NKAIN3: variants seen among roughly 807,000 people sequenced by gnomAD.
NKAIN3 encodes sodium/potassium-transporting ATPase subunit beta-1-interacting protein 3.
Under a neutral mutation model 30.2 loss-of-function variants are expected in NKAIN3, and 25 were observed. That is an observed-to-expected ratio of 0.83 (90% CI 0.60 to 1.16). NKAIN3 has a LOEUF of 1.16. NKAIN3 is among the 50% of genes most tolerant of loss of function. The probability of loss-of-function intolerance (pLI) is 0.00; values close to 1 mark genes in which losing one functional copy is unlikely to be tolerated. For synonymous variants in NKAIN3, 91 were observed against 89.6 expected, an observed-to-expected ratio of 1.02 and a Z score of -0.09; for missense variants, 225 against 254.1, an observed-to-expected ratio of 0.89 and a Z score of 0.78.
intron 3 of NKAIN3, among the ~76,000 whole-genome samples, chr8:62,607,213 T>C (rs534505392): frequency 1.3e-5 from 2 of 152,308 alleles, no homozygotes; most frequent in South Asian, 4.1e-4. Flanking sequence ...GACATATTCT[T>C]GATTTAAAAT....
At chr8:62,719,931 G>C (rs914103572) in intron 3 of NKAIN3, among the ~76,000 whole-genome samples, 3 of 151,388 alleles carry the variant, frequency 2.0e-5, no homozygotes, top group African/African-American at 7.3e-5. Context: ...TAATTTTTTT[G>C]TATTTTCAGT....
At chr8:62,263,630 A>G (rs1812516061) in intron 1 of NKAIN3, among the ~76,000 whole-genome samples, 1 of 152,188 alleles carries the variant, frequency 6.6e-6, no homozygotes. Context: ...AACTTAATCC[A>G]AGTTGGTATA....
Position 62,976,359 on chromosome 8 carries a change from T to C in NKAIN3, c.*10952T>C, listed in dbSNP as rs963857114. On this transcript the variant is annotated 3_prime_UTR_variant, in exon 7 of 7. Transcript: ENST00000623646. ...TCTCTAAGAACTTGCTTTATGAATC[T>C]GGGTGCTCCACTATTAGGTGCATAC... Among the ~76,000 whole-genome samples the C allele has an allele frequency of 2.0e-5, 3 of 152,206 alleles. No homozygotes were observed. The highest frequency in any genetic ancestry group is 4.4e-5 in the Non-Finnish European group (3 of 68,032).
intron 3 of NKAIN3, among the ~76,000 whole-genome samples, chr8:62,604,402 C>T (rs1163397076): frequency 6.6e-6 from 1 of 152,068 alleles, no homozygotes; most frequent in Non-Finnish European, 1.5e-5. Context: ...TAGTAATTGT[C>T]GGTGTGCTTG....
chr8:62,249,137 C>T lies in NKAIN3; in HGVS notation c.54+10C>T, dbSNP rs1428980066. 3 of 1,532,158 alleles carry T rather than the reference C, an allele frequency of 2.0e-6. No homozygotes were observed. In the South Asian group the frequency reaches 3.6e-5, roughly 18 times the overall value. The allele number at this position is 1,532,158 out of a possible 1,614,324, so 94.9% of individuals were successfully genotyped here. A position where few individuals can be genotyped will look rare whatever the true frequency, so the allele number is the denominator to read the frequency against. ...CTGCGCGCTGCAGTTGGTGAGTGCC[C>T]CGAGGGCCCCTGCCCCAGGACAGGT... is the stretch of plus-strand genomic sequence containing the variant. On this transcript the variant is annotated intron_variant, in intron 1 of 6. Transcript: ENST00000623646.
chr8:62,865,188 T>G (rs1488649075), intron 4 of NKAIN3, among the ~76,000 whole-genome samples: 4 of 152,184 alleles, frequency 2.6e-5, no homozygotes, highest in Non-Finnish European at 5.9e-5. Flanking sequence ...TGGAGAAGTA[T>G]GGCTGGCCCC....
At position 62,984,082 on chromosome 8, in the gene NKAIN3, A is replaced by G. The variant is rs1453776177; in HGVS notation, c.*18675A>G. On this transcript the variant is annotated 3_prime_UTR_variant, in exon 7 of 7. Transcript: ENST00000623646. ...TTTGGGTTTTTCATTATTGTTTCTA[A>G]AAACTAGATATTATTGCTTTATTAT... is the stretch of plus-strand genomic sequence containing the variant. The G allele has an allele frequency of 6.6e-6, 1 of 152,184 alleles. No individual in the cohort carries two copies. Among genetic ancestry groups the G allele is most frequent in the Non-Finnish European group, 1.5e-5 (1 of 68,036 alleles). 9.4% of individuals were successfully genotyped at this position (152,184 alleles called of 1,614,324 possible).
intron 1 of NKAIN3, among the ~76,000 whole-genome samples, chr8:62,505,574 A>G (rs1044245747): frequency 1.3e-5 from 2 of 152,140 alleles, no homozygotes; most frequent in African/African-American, 4.8e-5. Flanking sequence ...CCCCTGCTCT[A>G]CAGAATGCCT....
intron 1 of NKAIN3, among the ~76,000 whole-genome samples, chr8:62,460,534 G>A (rs1164742605): frequency 2.0e-5 from 3 of 152,128 alleles, no homozygotes; most frequent in South Asian, 4.1e-4. Flanking sequence ...ACAGCTGAAT[G>A]TTGGTAAGAA....
chr8:62,336,972 C>T (rs185152650), intron 1 of NKAIN3, among the ~76,000 whole-genome samples: 3 of 152,190 alleles, frequency 2.0e-5, no homozygotes, highest in African/African-American at 4.8e-5. Context: ...GTCTAGAGAA[C>T]CCAAGAAGGC....
At chr8:62,696,682 C>T (rs1586099933) in intron 3 of NKAIN3, among the ~76,000 whole-genome samples, 1 of 149,858 alleles carries the variant, frequency 6.7e-6, no homozygotes, top group Non-Finnish European at 1.5e-5. Flanking sequence ...AAAAAAGAAA[C>T]AATAAATTGT....
intron 4 of NKAIN3, among the ~76,000 whole-genome samples, chr8:62,859,508 T>TAAAAAAAAAAAAAGAAAAAAAAAA (rs531859546): frequency 1.7e-5 from 1 of 60,442 alleles, no homozygotes; most frequent in Non-Finnish European, 3.4e-5. Flanking sequence ...TTACTTCAAC[T>TAAAAAAAAAAAAAGAAAAAAAAAA]AAAAAAAAAA....
intron 4 of NKAIN3, among the ~76,000 whole-genome samples, chr8:62,911,677 A>G (rs886368717): frequency 1.3e-5 from 2 of 152,018 alleles, no homozygotes; most frequent in African/African-American, 4.8e-5. Context: ...TGGTTTATCC[A>G]TGTTTATGAC....
At chr8:62,353,346 A>G (rs1035123957) in intron 1 of NKAIN3, among the ~76,000 whole-genome samples, 1 of 152,268 alleles carries the variant, frequency 6.6e-6, no homozygotes, top group Admixed American at 6.5e-5. Context: ...ATTTCTGCAA[A>G]GAAATGAGTT....
At chr8:62,549,714 T>C (rs1370784789) in intron 1 of NKAIN3, among the ~76,000 whole-genome samples, 1 of 151,962 alleles carries the variant, frequency 6.6e-6, no homozygotes, top group Non-Finnish European at 1.5e-5. Context: ...TTCTCTCTTC[T>C]CTATCTCCTA....
At chr8:62,702,502 T>A (rs1010657378) in intron 3 of NKAIN3, among the ~76,000 whole-genome samples, 12 of 152,296 alleles carry the variant, frequency 7.9e-5, no homozygotes, top group Admixed American at 2.6e-4. Context: ...AAGACAAAAT[T>A]TCTGTGGAAA....
chr8:62,654,903 T>C (rs1812722317), intron 3 of NKAIN3, among the ~76,000 whole-genome samples: 2 of 152,080 alleles, frequency 1.3e-5, no homozygotes, highest in African/African-American at 4.8e-5. Flanking sequence ...CCCATAGTTA[T>C]GGGGAAGGAC....
chr8:62,624,296 G>C (rs1811721893), intron 3 of NKAIN3, among the ~76,000 whole-genome samples: 2 of 151,994 alleles, frequency 1.3e-5, no homozygotes, highest in Admixed American at 1.3e-4. Context: ...AGCCCAGTAG[G>C]TCTCAGTCTT....
chr8:62,612,950 A>G (rs927381056), intron 3 of NKAIN3, among the ~76,000 whole-genome samples: 3 of 151,918 alleles, frequency 2.0e-5, no homozygotes, highest in Non-Finnish European at 4.4e-5. Context: ...TATTATTTCT[A>G]TTTATATTTT....
Sources: allele counts gnomAD v4.1 joint callset (sites outside exome capture counted in the v4.1 genomes callset), GRCh38; gene constraint gnomAD v4.1.1; transcripts MANE v1.5; gene names NCBI Gene and HGNC (gene_info 2026-07-23, HGNC 2026-07-21).